Variants in GRIK1 observed in about 807,000 individuals in gnomAD.
The protein encoded by GRIK1 is glutamate ionotropic receptor kainate type subunit 1.
Under a neutral mutation model 105.7 loss-of-function variants are expected in GRIK1, and 69 were observed. That is an observed-to-expected ratio of 0.65 (90% CI 0.54 to 0.80). The LOEUF is 0.80. Ranked by LOEUF, GRIK1 falls within the 30% of genes least tolerant of loss-of-function variation. The pLI, the probability that GRIK1 is intolerant of heterozygous loss-of-function variation, is 0.00. For synonymous variants in GRIK1, 438 were observed against 431.3 expected (o/e 1.02, Z -0.19); for missense variants, 1,109 against 1,167.3 (o/e 0.95, Z 0.73).
At chr21:29,900,386 C>A (rs2070350286) in intron 1 of GRIK1, among the ~76,000 whole-genome samples, 1 of 150,304 alleles carries the variant, frequency 6.7e-6, no homozygotes, top group African/African-American at 2.5e-5. Flanking sequence ...TTCAGGAGAC[C>A]CATCTCACTT....
intron 1 of GRIK1, among the ~76,000 whole-genome samples, chr21:29,793,610 C>G (rs549013397): frequency 6.6e-6 from 1 of 152,020 alleles, no homozygotes; most frequent in Admixed American, 6.6e-5. Context: ...AGGAAAGCTG[C>G]CTTCCCCTAC....
At chr21:29,705,889 T>G (rs1002306392) in intron 1 of GRIK1, among the ~76,000 whole-genome samples, 17 of 149,330 alleles carry the variant, frequency 1.1e-4, no homozygotes, top group Non-Finnish European at 4.5e-5. Context: ...TTTTTTTTTT[T>G]GTGAGATGGA....
intron 1 of GRIK1, among the ~76,000 whole-genome samples, chr21:29,754,254 A>G (rs2065278544): frequency 2.0e-5 from 3 of 152,222 alleles, no homozygotes; most frequent in South Asian, 2.1e-4. Context: ...AATAAATACA[A>G]CAATAGGAAA....
In GRIK1 at chr21:29,588,876, C is replaced by T. The variant is rs1270184636; in HGVS notation, c.1532G>A (p.Gly511Glu). ...DGKYGAQNDK[G>E]EWNGMVKELI... is the part of the protein sequence containing the mutation. ...TTCTTTAACCATCCCGTTCCACTCCCCTTTGTCATTCTGGGCCCCATATTT... is the reference window on the plus strand; with the variant it reads ...TTCTTTAACCATCCCGTTCCACTCCTCTTTGTCATTCTGGGCCCCATATTT... The change falls in exon 11 of 18, where the codon GGG (glycine) becomes GAG (glutamate). Residue 511 changes from glycine (G) to glutamate (E), a missense_variant. Transcript: ENST00000327783. The T allele has an allele frequency of 6.2e-7, 1 of 1,608,150 alleles. No individual in the cohort carries two copies.
chr21:29,567,891 TTATAG>T (rs1005515295), intron 14 of GRIK1, among the ~76,000 whole-genome samples: 62 of 152,276 alleles, frequency 4.1e-4, no homozygotes, highest in African/African-American at 1.5e-3. Flanking sequence ...AAGAAAATAT[TTATAG>T]TATAGTTAGG....
intron 16 of GRIK1, among the ~76,000 whole-genome samples, chr21:29,550,983 C>A (rs939648037): frequency 1.3e-5 from 2 of 152,060 alleles, no homozygotes; most frequent in Non-Finnish European, 2.9e-5. Flanking sequence ...TATTGAGTGG[C>A]TACTATGTGC....
intron 7 of GRIK1, among the ~76,000 whole-genome samples, chr21:29,631,460 C>T (rs2062270070): frequency 6.6e-6 from 1 of 152,172 alleles, no homozygotes. Flanking sequence ...AGGGCCCTCA[C>T]TGGAACTTGA....
intron 1 of GRIK1, among the ~76,000 whole-genome samples, chr21:29,823,307 G>A (rs531546451): frequency 1.3e-4 from 20 of 151,822 alleles, no homozygotes; most frequent in Non-Finnish European, 2.8e-4. Flanking sequence ...ATTAACTTTA[G>A]TTACCTTGGC....
chr21:29,914,609 C>T (rs1030081860), intron 1 of GRIK1, among the ~76,000 whole-genome samples: 1 of 152,086 alleles, frequency 6.6e-6, no homozygotes, highest in Non-Finnish European at 1.5e-5. Flanking sequence ...CTTTTGGGAA[C>T]AAGATAGCAT....
chr21:29,780,206 G>C (rs1418501975), intron 1 of GRIK1, among the ~76,000 whole-genome samples: 3 of 152,172 alleles, frequency 2.0e-5, no homozygotes, highest in Admixed American at 1.3e-4. Context: ...GTGTTAGTTG[G>C]AATTTCCTGA....
At chr21:29,800,098 A>T (rs571220457) in intron 1 of GRIK1, among the ~76,000 whole-genome samples, 1 of 152,338 alleles carries the variant, frequency 6.6e-6, no homozygotes, top group East Asian at 1.9e-4. Context: ...ATGAGAATTT[A>T]GACAGTTCCT....
At chr21:29,684,229 T>C (rs997075868) in intron 3 of GRIK1, among the ~76,000 whole-genome samples, 1 of 152,062 alleles carries the variant, frequency 6.6e-6, no homozygotes, top group South Asian at 2.1e-4. Context: ...AGTAAATGTC[T>C]ATGAAACAAG....
chr21:29,924,593 T>C (rs1481485453), intron 1 of GRIK1, among the ~76,000 whole-genome samples: 1 of 152,146 alleles, frequency 6.6e-6, no homozygotes, highest in Non-Finnish European at 1.5e-5. Flanking sequence ...CTACCTATCT[T>C]AGCATTTACC....
chr21:29,857,573 T>C (rs992909418), intron 1 of GRIK1, among the ~76,000 whole-genome samples: 1 of 152,190 alleles, frequency 6.6e-6, no homozygotes, highest in African/African-American at 2.4e-5. Flanking sequence ...TTGAGAATTT[T>C]TTGTTAGACA....
chr21:29,595,626 A>G (rs1055125893), intron 9 of GRIK1, among the ~76,000 whole-genome samples: 10 of 152,162 alleles, frequency 6.6e-5, no homozygotes, highest in African/African-American at 2.4e-4. Flanking sequence ...AGTGAACCTG[A>G]CAAAACTGTT....
intron 1 of GRIK1, among the ~76,000 whole-genome samples, chr21:29,883,511 C>G (rs375356401): frequency 2.0e-5 from 3 of 151,996 alleles, no homozygotes; most frequent in Admixed American, 6.6e-5. Flanking sequence ...CCCTGTTTGC[C>G]ACAAAGCAAG....
chr21:29,734,841 G>C (rs437263), intron 1 of GRIK1, among the ~76,000 whole-genome samples: 129,997 of 152,186 alleles, frequency 0.85, 57,161 homozygotes, highest in Non-Finnish European at 0.96. Context: ...GCTCTCATCT[G>C]TTTTGCCTTC....
intron 7 of GRIK1, among the ~76,000 whole-genome samples, chr21:29,636,403 G>T (rs968083353): frequency 3.3e-5 from 5 of 152,178 alleles, no homozygotes; most frequent in African/African-American, 7.2e-5. Flanking sequence ...ATTAAAAATA[G>T]AATTGGCTTT....
At chr21:29,766,737 G>T (rs751924826) in intron 1 of GRIK1, among the ~76,000 whole-genome samples, 7 of 152,286 alleles carry the variant, frequency 4.6e-5, no homozygotes, top group Non-Finnish European at 8.8e-5. Context: ...AAACTTGTTT[G>T]TATAAGGGAG....
Sources: allele counts gnomAD v4.1 joint callset (sites outside exome capture counted in the v4.1 genomes callset), GRCh38; gene constraint gnomAD v4.1.1; transcripts MANE v1.5; gene names NCBI Gene and HGNC (gene_info 2026-07-23, HGNC 2026-07-21).